The following SHPRH variants were observed in gnomAD, a reference collection of about 807,000 sequenced individuals.
SHPRH encodes the protein E3 ubiquitin-protein ligase SHPRH.
Under a neutral mutation model 202.5 loss-of-function variants are expected in SHPRH, and 106 were observed. The observed-to-expected ratio is 0.52, with a 90% CI of 0.45 to 0.62. SHPRH has a LOEUF of 0.62. Among genes scored for constraint, SHPRH ranks in the 20% least tolerant of loss-of-function variants. The pLI is 0.00. For missense variants in SHPRH, 1,710 were observed against 2,020.0 expected, an observed-to-expected ratio of 0.85 and a Z score of 2.94; for synonymous variants, 729 against 686.0, an observed-to-expected ratio of 1.06 and a Z score of -0.98.
chr6:145,956,876 G>A (rs1223641308), intron 1 of SHPRH, among the ~76,000 whole-genome samples: 1 of 152,094 alleles, frequency 6.6e-6, no homozygotes, highest in Non-Finnish European at 1.5e-5. Flanking sequence ...CAACAGGTTT[G>A]TTCTGTAGAA....
chr6:145,955,465 T>C (rs917285504), intron 1 of SHPRH, 111 bp from the exon 2 acceptor site: 13 of 1,087,028 alleles, frequency 1.2e-5, no homozygotes, highest in Non-Finnish European at 1.7e-5. Flanking sequence ...TAATATGAAA[T>C]CTTCTGTGAG....
rs549037977 is a variant in SHPRH, at chr6:145,951,311, G to A, written c.764-829C>T. 3.3e-5 allele frequency among the ~76,000 whole-genome samples: 5 copies of A among 152,104 alleles called. 1 individual carries two copies. In the South Asian group the frequency reaches 1.0e-3, roughly 32 times the overall value. ...TTTATTTCTGAATTGCTTTGAAAGA[G>A]GCCTATATACTTTTATAGGACATAC... is the stretch of plus-strand genomic sequence containing the variant. On this transcript the variant is annotated intron_variant, in intron 3 of 29. Transcript: ENST00000275233.
chr6:145,934,487 T>TAAAATAAAATAAAAA (rs1785844277), intron 13 of SHPRH, among the ~76,000 whole-genome samples: 1 of 146,570 alleles, frequency 6.8e-6, no homozygotes, highest in Non-Finnish European at 1.5e-5. Context: ...TAAAATAAAA[T>TAAAATAAAATAAAAA]AAAATAAAAT....
chr6:145,923,762 C>T lies in SHPRH; in HGVS notation c.3426G>A (p.Trp1142Ter), dbSNP rs1300371847. ...CTATTGCTCTGTGGATCACATTTAG[C>T]CACCAAGGAGAATTAGAATGAATCT... ...QRKIHSNSPW[W>*]LNVIHRAIEF... Residue 1142 changes from tryptophan to a stop codon, truncating the protein, a stop_gained, in exon 18 of 30, where the codon TGG becomes TGA. Coordinates refer to ENST00000275233, the MANE Select transcript of SHPRH (RefSeq NM_001042683.3). LOFTEE classifies it high-confidence loss of function. The T allele has an allele frequency of 6.2e-7, 1 of 1,609,196 alleles. No homozygotes were observed.
chr6:145,893,474 C>T, intron 27 of SHPRH, 81 bp from the exon 28 acceptor site: 6 of 1,233,616 alleles, frequency 4.9e-6, no homozygotes, highest in Non-Finnish European at 1.1e-6. Context: ...TTAAAGATGT[C>T]TAATGCTATC....
intron 28 of SHPRH, 44 bp from the exon 29 acceptor site, chr6:145,888,144 C>T: frequency 2.9e-6 from 4 of 1,393,554 alleles, no homozygotes; most frequent in Non-Finnish European, 4.0e-6. Context: ...CATAGTAAAA[C>T]AAATCAGTAC....
At chr6:145,898,169 T>C (rs763182301) in intron 25 of SHPRH, among the ~76,000 whole-genome samples, 4 of 151,638 alleles carry the variant, frequency 2.6e-5, no homozygotes, top group African/African-American at 7.3e-5. Flanking sequence ...CAGGATACAA[T>C]AGAAACACAA....
chr6:145,927,313 T>C, intron 14 of SHPRH, 36 bp from the exon 15 acceptor site: 2 of 1,568,980 alleles, frequency 1.3e-6, no homozygotes, highest in South Asian at 1.1e-5. Context: ...CATACGAGAG[T>C]CACATATTTA....
chr6:145,899,433 A>C (rs1782300245), intron 25 of SHPRH, among the ~76,000 whole-genome samples: 1 of 152,142 alleles, frequency 6.6e-6, no homozygotes, highest in African/African-American at 2.4e-5. Context: ...AAGATCACAC[A>C]ATGGGGAAAA....
intron 28 of SHPRH, 99 bp from the exon 29 acceptor site, chr6:145,888,199 T>G (rs1781259404): frequency 3.8e-6 from 3 of 798,838 alleles, no homozygotes; most frequent in Non-Finnish European, 6.0e-6. Context: ...AGTCAGTTGG[T>G]GCCCACTTGT....
chr6:145,921,308 C>T lies in SHPRH; in HGVS notation c.3867G>A (p.Arg1289=). ...LVDDRAPTTT[R]GLWAISETER... ...CTGTCTCACTTATTGCCCAGAGACCCCGGGTGGTGGTAGGTGCTCGATCAT... is the reference window on the plus strand; with the variant it reads ...CTGTCTCACTTATTGCCCAGAGACCTCGGGTGGTGGTAGGTGCTCGATCAT... Residue 1289 remains arginine, a synonymous_variant, in exon 21 of 30, where the codon CGG becomes CGA. Transcript: ENST00000275233. 6.2e-7 allele frequency: 1 copy of T among 1,612,920 alleles called. No individual in the cohort carries two copies. Among genetic ancestry groups the T allele is most frequent in the South Asian group, 1.1e-5 (1 of 91,060 alleles).
In SHPRH at chr6:145,875,408, A is replaced by C. The variant is rs1970305; in HGVS notation, c.222-10917T>G. Among the ~76,000 whole-genome samples the C allele has an allele frequency of 4.2e-3, 634 of 152,316 alleles. 17 individuals carry two copies. The East Asian group carries it at 0.071, about 17-fold the overall frequency. On this transcript the variant is annotated intron_variant, in intron 2 of 2. Coordinates refer to the SHPRH transcript ENST00000417762. ...CTAGTGCTGAGGTTGAGAATTCTTG[A>C]CTTAGGCCATAGCCGTTCCACAGCT...
intron 26 of SHPRH, 136 bp downstream of exon 26, chr6:145,894,749 C>T: frequency 1.5e-6 from 1 of 645,230 alleles, no homozygotes; most frequent in South Asian, 3.1e-5. Flanking sequence ...TCTATCTTCT[C>T]TAAAAATAAT....
intron 2 of SHPRH, among the ~76,000 whole-genome samples, chr6:145,953,588 ATAAC>A (rs1331590942): frequency 5.9e-5 from 9 of 152,136 alleles, no homozygotes; most frequent in Non-Finnish European, 1.2e-4. Context: ...TTCTAAAACT[ATAAC>A]TAAGGTTATC....
chr6:145,944,388 T>C (rs1787137130), intron 8 of SHPRH, among the ~76,000 whole-genome samples: 1 of 152,070 alleles, frequency 6.6e-6, no homozygotes, highest in South Asian at 2.1e-4. Context: ...GTGAGAACAG[T>C]AAAAAGTAAA....
rs756796828 is a variant in SHPRH at position 145,924,776 on chromosome 6, T to C, written c.3365A>G (p.Tyr1122Cys). The change falls in exon 17 of 30, where the codon TAT becomes TGT. Residue 1122 changes from tyrosine (Y) to cysteine (C), a missense_variant. Physicochemically the swap from Tyr to Cys is radical, Grantham distance 194. Coordinates refer to ENST00000275233, the MANE Select transcript of SHPRH (RefSeq NM_001042683.3). ...CTCATGGATGGTCTGCTGCACAGGA[T>C]ATAAAGCTTGCTGGGCTTCAGCAAC... is the stretch of plus-strand genomic sequence containing the variant. The part of the protein sequence containing the change: ...TEVAEAQQAL[Y>C]PVQQTIHELQ... The C allele has an allele frequency of 6.2e-7, 1 of 1,611,880 alleles. No individual in the cohort carries two copies. The highest frequency in any genetic ancestry group is 2.2e-5 in the East Asian group (1 of 44,808).
chr6:145,916,603 G>A (rs573514912), intron 23 of SHPRH, among the ~76,000 whole-genome samples: 1 of 152,014 alleles, frequency 6.6e-6, no homozygotes, highest in Non-Finnish European at 1.5e-5. Context: ...TTTATTAACA[G>A]CCAAATTGGA....
downstream of SHPRH, among the ~76,000 whole-genome samples, chr6:145,862,433 C>CAA (rs1779612024): frequency 1.4e-5 from 2 of 140,430 alleles, no homozygotes; most frequent in Non-Finnish European, 3.0e-5. Context: ...CAAAACAAAA[C>CAA]AAAACAAAAA....
chr6:145,892,970 A>C (rs1307765490), intron 28 of SHPRH, among the ~76,000 whole-genome samples: 1 of 151,954 alleles, frequency 6.6e-6, no homozygotes, highest in African/African-American at 2.4e-5. Context: ...GGAAGAAAAA[A>C]ATTGGGACAA....
Sources: gnomAD v4.1 joint callset for allele counts (sites outside exome capture counted in the v4.1 genomes callset) on GRCh38, gnomAD v4.1.1 for gene constraint, MANE v1.5 for transcripts, NCBI Gene and HGNC (gene_info 2026-07-23, HGNC 2026-07-21) for gene names.